Variants in SPPL2B observed in about 807,000 individuals in gnomAD.
SPPL2B encodes signal peptide peptidase-like 2B.
A neutral mutation model predicts 59.7 loss-of-function variants in SPPL2B; 39 were observed. The ratio of observed to expected loss-of-function variants is 0.65; its 90% CI spans 0.51 to 0.85. The LOEUF is 0.85. Ranked by LOEUF, SPPL2B falls within the 40% of genes least tolerant of loss-of-function variation. SPPL2B has a pLI of 0.00. For missense variants in SPPL2B, 865 were observed against 849.0 expected (o/e 1.02, Z -0.23); for synonymous variants, 419 against 370.8 (o/e 1.13, Z -1.49).
chr19:2,341,692 A>G (rs1430554664), intron 8 of SPPL2B: 3 of 423,628 alleles, frequency 7.1e-6, no homozygotes, highest in Non-Finnish European at 9.9e-6. Flanking sequence ...CGGCACGTTT[A>G]ACTGGCAGAA....
intron 2 of SPPL2B, among the ~76,000 whole-genome samples, chr19:2,336,057 A>G (rs1438437682): frequency 6.6e-6 from 1 of 152,152 alleles, no homozygotes; most frequent in African/African-American, 2.4e-5. Context: ...GCCTGAGTGC[A>G]TATTTCTGAG....
Position 2,328,844 on chromosome 19 carries a change from G to C in SPPL2B, c.66+69G>C, listed in dbSNP as rs1968128152. 2.4e-6 allele frequency: 3 copies of C among 1,264,880 alleles called. No homozygotes were observed. In the Admixed American group the frequency reaches 1.3e-4, roughly 53 times the overall value. The allele number at this position is 1,264,880 out of a possible 1,614,324, so 78.4% of individuals were successfully genotyped here. A position where few individuals can be genotyped will look rare whatever the true frequency, so the allele number is the denominator to read the frequency against. On this transcript the variant is annotated intron_variant, in intron 1 of 14. Coordinates refer to ENST00000613503, the MANE Select transcript of SPPL2B (RefSeq NM_152988.3). ...TTCGGCCTCTCTGTCCCCGGGCTAC[G>C]CGCAGGAACGACCCCGCTCGGCCCG...
Position 2,329,492 on chromosome 19 carries a change from C to T in SPPL2B, c.66+717C>T, listed in dbSNP as rs536350818. Among the ~76,000 whole-genome samples the T allele has an allele frequency of 5.3e-5, 8 of 152,284 alleles. No individual in the cohort carries two copies. The South Asian group carries it at 1.7e-3, about 32-fold the overall frequency. ...TTCTAGTGGGGACAGTCTACGAGAT[C>T]GCACTGTCATAACTGCATCTTTTAT... On this transcript the variant is annotated intron_variant, in intron 1 of 14. Transcript: ENST00000613503.
chr19:2,351,211 C>G (rs139040670), intron 13 of SPPL2B, among the ~76,000 whole-genome samples: 1 of 152,304 alleles, frequency 6.6e-6, no homozygotes, highest in Non-Finnish European at 1.5e-5. Context: ...CTCGGTGACC[C>G]TGGCTCCGGT....
rs752781433 is a variant in SPPL2B, at chr19:2,340,136, C to A, written c.803C>A (p.Ala268Glu). The A allele has an allele frequency of 6.3e-7, 1 of 1,589,600 alleles. No individual in the cohort carries two copies. Among genetic ancestry groups the A allele is most frequent in the South Asian group, 1.1e-5 (1 of 88,774 alleles). ...GCCACCGGCCTCTACAGCTGCCTGG[C>A]GCCCTGTGTGCGGCGGCTGCCCTTC... ...ASATGLYSCL[A>E]PCVRRLPFGK... Residue 268 changes from alanine to glutamate, a missense_variant, in exon 7 of 15, where the codon GCG (alanine) becomes GAG (glutamate). Transcript: ENST00000613503.
chr19:2,341,104 AG>A (rs202164106), intron 8 of SPPL2B, 90 bp downstream of exon 8: 396,008 of 950,660 alleles, frequency 0.42, 85,715 homozygotes, highest in Non-Finnish European at 0.46. Flanking sequence ...CCCTCCCTGG[AG>A]GCCGCCCCAG....
At chr19:2,333,404 G>C (rs1008780114) in intron 1 of SPPL2B, among the ~76,000 whole-genome samples, 3 of 152,206 alleles carry the variant, frequency 2.0e-5, no homozygotes, top group African/African-American at 7.2e-5. Context: ...GCCTAGGCCA[G>C]AGCCCTGCAG....
chr19:2,331,830 CTGT>C lies in SPPL2B; in HGVS notation c.67-2767_67-2765del, dbSNP rs933861016. 3.3e-5 allele frequency among the ~76,000 whole-genome samples: 5 copies of C among 152,236 alleles called. No individual in the cohort carries two copies. The East Asian group carries it at 5.8e-4, about 18-fold the overall frequency. ...CTCTGGTTTGGTTGCTTGGTTTCTC[CTGT>C]TGTTCTTCCAGAGCCGGAGACCCTT... is the stretch of plus-strand genomic sequence containing the variant. On this transcript the variant is annotated intron_variant, in intron 1 of 14. Transcript: ENST00000613503.
chr19:2,345,920 T>C (rs1039075097), intron 13 of SPPL2B, among the ~76,000 whole-genome samples: 1 of 152,018 alleles, frequency 6.6e-6, no homozygotes, highest in Admixed American at 6.6e-5. Flanking sequence ...TCCTGGTCTT[T>C]CTCATTCTCC....
chr19:2,349,980 ACG>A (rs1969806269), intron 13 of SPPL2B, among the ~76,000 whole-genome samples: 1 of 119,096 alleles, frequency 8.4e-6, no homozygotes. Flanking sequence ...ACACACACTC[ACG>A]CGCTCTCATT....
chr19:2,329,466 G>A (rs1044204633), intron 1 of SPPL2B, among the ~76,000 whole-genome samples: 2 of 152,106 alleles, frequency 1.3e-5, no homozygotes, highest in Admixed American at 6.5e-5. Context: ...AGAGTGTCAG[G>A]TTCTAGTGGG....
At chr19:2,340,365 C>G in intron 7 of SPPL2B, 193 bp downstream of exon 7, 4 of 606,426 alleles carry the variant, frequency 6.6e-6, no homozygotes, top group Non-Finnish European at 8.7e-6. Flanking sequence ...AGCCCACCAG[C>G]AGCCAGGCGC....
chr19:2,344,324 CATCA>C, intron 10 of SPPL2B, 34 bp from the exon 11 acceptor site: 2 of 1,347,556 alleles, frequency 1.5e-6, no homozygotes, highest in Non-Finnish European at 1.0e-6. Flanking sequence ...CCCCCCACCC[CATCA>C]CCACGCTCCC....
Position 2,353,170 on chromosome 19 carries a change from C to T in SPPL2B, c.1740C>T (p.Ala580=), listed in dbSNP as rs1303542922. Residue 580 remains alanine, a synonymous_variant, in exon 15 of 15, where the codon GCC becomes GCT. Transcript: ENST00000613503. Reference sequence around the variant, plus strand: ...CTGAATCCGAGGGCCGGGACCAGGCCCAGCCGTCCCCGGTAACCCAGCCTG... The same window carrying T: ...CTGAATCCGAGGGCCGGGACCAGGCTCAGCCGTCCCCGGTAACCCAGCCTG... ...SPAESEGRDQ[A]QPSPVTQPGA... is the part of the protein sequence containing the mutation. The T allele has an allele frequency of 6.2e-7, 1 of 1,608,160 alleles. No individual in the cohort carries two copies. Among genetic ancestry groups the T allele is most frequent in the Non-Finnish European group, 8.5e-7 (1 of 1,179,270 alleles).
At chr19:2,337,899 C>G in intron 3 of SPPL2B, 1 of 401,572 alleles carries the variant, frequency 2.5e-6, no homozygotes, top group African/African-American at 2.1e-5. Context: ...AGAGCAGCCC[C>G]CAGGGGTGAC....
intron 14 of SPPL2B, among the ~76,000 whole-genome samples, chr19:2,351,836 GGGGGTGCCGGGTGGGGCCCA>G (rs1020069827): frequency 7.9e-5 from 12 of 151,166 alleles, no homozygotes; most frequent in Admixed American, 5.3e-4. Context: ...GGTGGGACGC[GGGGGTGCCGGGTGGGGCCCA>G]GGGGTGCCGG....
At chr19:2,344,696 G>A (rs894619654) in intron 12 of SPPL2B, 44 bp downstream of exon 12, 3 of 1,287,190 alleles carry the variant, frequency 2.3e-6, no homozygotes, top group Non-Finnish European at 3.3e-6. Context: ...TGTGGGGCAG[G>A]GCCCCGGGCG....
chr19:2,335,764 G>A (rs972454531), intron 2 of SPPL2B, among the ~76,000 whole-genome samples: 4 of 151,726 alleles, frequency 2.6e-5, no homozygotes, highest in Admixed American at 2.0e-4. Context: ...CTCAGGCCCC[G>A]CCTCCTTTCC....
At chr19:2,336,992 CTGTGGG>C (rs1285127754) in intron 2 of SPPL2B, 3 of 156,240 alleles carry the variant, frequency 1.9e-5, no homozygotes, top group African/African-American at 5.0e-5. Flanking sequence ...TCCGGCCTGG[CTGTGGG>C]TGTGTGTGTG....
Sources: allele counts gnomAD v4.1 joint callset (sites outside exome capture counted in the v4.1 genomes callset), GRCh38; gene constraint gnomAD v4.1.1; transcripts MANE v1.5; gene names NCBI Gene and HGNC (gene_info 2026-07-23, HGNC 2026-07-21).